DYM: variants seen among roughly 807,000 people sequenced by gnomAD.
DYM encodes dymeclin, also known as dyggve-Melchior-Clausen syndrome protein.
A neutral mutation model predicts 93.1 loss-of-function variants in DYM; 78 were observed. That is an observed-to-expected ratio of 0.84 (90% CI 0.70 to 1.01). The LOEUF (loss-of-function observed/expected upper bound fraction) is 1.01. Ranked by LOEUF, DYM falls within the 50% of genes least tolerant of loss-of-function variation. The pLI is 0.00. For synonymous variants in DYM, 321 were observed against 319.7 expected, an observed-to-expected ratio of 1.00 and a Z score of -0.04; for missense variants, 789 against 845.0, an observed-to-expected ratio of 0.93 and a Z score of 0.82.
chr18:49,323,643 G>A (rs114931080), intron 8 of DYM, among the ~76,000 whole-genome samples: 2,652 of 152,284 alleles, frequency 0.017, 79 homozygotes, highest in African/African-American at 0.061. Context: ...CAGGAATAGG[G>A]TTCTACACCA....
At chr18:49,423,638 A>G (rs1170614650) in intron 2 of DYM, among the ~76,000 whole-genome samples, 1 of 152,238 alleles carries the variant, frequency 6.6e-6, no homozygotes, top group African/African-American at 2.4e-5. Flanking sequence ...AACAAAATTG[A>G]TAGACCACTA....
intron 13 of DYM, among the ~76,000 whole-genome samples, chr18:49,222,519 G>C (rs2144118818): frequency 6.6e-6 from 1 of 152,188 alleles, no homozygotes; most frequent in East Asian, 1.9e-4. Flanking sequence ...AAAGACATAA[G>C]AGGCAACATA....
At chr18:49,447,438 T>C (rs1449371850) in intron 1 of DYM, 1 of 152,222 alleles carries the variant, frequency 6.6e-6, no homozygotes, top group Non-Finnish European at 1.5e-5. Flanking sequence ...AGCCACTTCA[T>C]AATGGCAGCT....
chr18:49,147,635 A>T (rs939353433), intron 15 of DYM, among the ~76,000 whole-genome samples: 13 of 152,158 alleles, frequency 8.5e-5, no homozygotes, highest in African/African-American at 2.6e-4. Flanking sequence ...AATCAAAACC[A>T]CAATGAGATA....
At chr18:49,056,390 G>A (rs1463690197) in intron 17 of DYM, among the ~76,000 whole-genome samples, 1 of 152,230 alleles carries the variant, frequency 6.6e-6, no homozygotes, top group Non-Finnish European at 1.5e-5. Flanking sequence ...AACAGGATTT[G>A]GCTCTCAGGC....
rs145000558 is a variant in DYM at position 49,435,346 on chromosome 18, G to T, written c.-53-4899C>A. On this transcript the variant is annotated intron_variant, in intron 1 of 17. Transcript: ENST00000675505. The stretch of plus-strand genomic sequence containing the variant: ...GTGCAAACTGTGAAGTGGTGATGTT[G>T]TTATTGTATTATTTAAAAGCAATCT... 1.8e-4 allele frequency among the ~76,000 whole-genome samples: 26 copies of T among 146,456 alleles called. No individual in the cohort carries two copies. In the East Asian group the frequency reaches 5.0e-3, roughly 28 times the overall value.
chr18:49,252,216 C>CAAAAAAAGAAA (rs2094304417), intron 13 of DYM, among the ~76,000 whole-genome samples: 1 of 27,230 alleles, frequency 3.7e-5, no homozygotes, highest in African/African-American at 2.2e-4. Flanking sequence ...AGACTTGCCT[C>CAAAAAAAGAAA]AAAAAAAAAA....
chr18:49,403,079 A>C (rs571264920), intron 2 of DYM, among the ~76,000 whole-genome samples: 1 of 152,272 alleles, frequency 6.6e-6, no homozygotes, highest in African/African-American at 2.4e-5. Context: ...AACTCCCCAA[A>C]ACCAACAAGA....
chr18:49,345,655 G>C (rs2064526205), intron 6 of DYM, among the ~76,000 whole-genome samples: 1 of 152,074 alleles, frequency 6.6e-6, no homozygotes, highest in South Asian at 2.1e-4. Context: ...AGTAAGAGAT[G>C]AGGTTTGAAA....
intron 13 of DYM, among the ~76,000 whole-genome samples, chr18:49,212,696 T>C (rs902734863): frequency 1.2e-4 from 19 of 152,138 alleles, no homozygotes; most frequent in Admixed American, 3.3e-4. Context: ...AGGGTCTCAC[T>C]ATATTGCCCA....
At chr18:49,068,244 A>G (rs537878226) in intron 17 of DYM, among the ~76,000 whole-genome samples, 2 of 152,334 alleles carry the variant, frequency 1.3e-5, no homozygotes, top group East Asian at 3.9e-4. Flanking sequence ...AGGAGCCTGG[A>G]TCTGCCCCCA....
chr18:49,435,311 A>G (rs1378792711), intron 1 of DYM, among the ~76,000 whole-genome samples: 1 of 151,592 alleles, frequency 6.6e-6, no homozygotes, highest in African/African-American at 2.4e-5. Flanking sequence ...CTTTGTTATT[A>G]TAAGGTATTG....
At chr18:49,088,550 TAAA>T (rs200912955) in intron 17 of DYM, among the ~76,000 whole-genome samples, 2 of 106,884 alleles carry the variant, frequency 1.9e-5, no homozygotes. Flanking sequence ...CCCTAGAACT[TAAA>T]AAAAAAAAAA....
intron 17 of DYM, among the ~76,000 whole-genome samples, chr18:49,080,249 G>A (rs1327073128): frequency 1.5e-5 from 2 of 131,028 alleles, no homozygotes; most frequent in African/African-American, 2.9e-5. Context: ...CGGCTGGCCG[G>A]GCAGAGGGGC....
At position 49,203,871 on chromosome 18, in the gene DYM, T is replaced by TAAAAAAAAAAAAA. The variant is rs71165370; in HGVS notation, c.1625+5667_1625+5679dup. Among the ~76,000 whole-genome samples, 4 of 63,548 alleles carry TAAAAAAAAAAAAA rather than the reference T, an allele frequency of 6.3e-5. 1 individual carries two copies. Among genetic ancestry groups the TAAAAAAAAAAAAA allele is most frequent in the African/African-American group, 1.2e-4 (2 of 17,208 alleles). 41.7% of individuals were successfully genotyped at this position (63,548 alleles called of 152,430 possible). A position where few individuals can be genotyped will look rare whatever the true frequency, so the allele number is the denominator to read the frequency against. ...CAATAAAAAAATAAATTTAAAAAAG[T>TAAAAAAAAAAAAA]AAAAAAAAAAAAAAAAAAAAAAAAA... is the stretch of plus-strand genomic sequence containing the variant. On this transcript the variant is annotated intron_variant, in intron 14 of 17. Coordinates refer to ENST00000675505, the MANE Select transcript of DYM (RefSeq NM_001353214.3).
chr18:49,446,954 G>A (rs1010474366), intron 1 of DYM, among the ~76,000 whole-genome samples: 1 of 152,038 alleles, frequency 6.6e-6, no homozygotes, highest in Admixed American at 6.6e-5. Context: ...AGCTACTTGG[G>A]AGGCTGAGAC....
At chr18:49,218,586 TC>T (rs2093196065) in intron 13 of DYM, among the ~76,000 whole-genome samples, 1 of 151,998 alleles carries the variant, frequency 6.6e-6, no homozygotes, top group Non-Finnish European at 1.5e-5. Context: ...AAACTAGAAC[TC>T]AGGATTAAGA....
intron 16 of DYM, among the ~76,000 whole-genome samples, chr18:49,105,385 G>A (rs1036443027): frequency 1.1e-4 from 17 of 152,012 alleles, no homozygotes; most frequent in Non-Finnish European, 2.1e-4. Flanking sequence ...TTTTTTGAAG[G>A]GTTTTTTGTG....
rs1156610239 is a variant in DYM, at chr18:49,037,778, T to G, written c.*6277A>C. 1.3e-5 allele frequency among the ~76,000 whole-genome samples: 2 copies of G among 152,216 alleles called. No homozygotes were observed. Reference sequence around the variant, plus strand: ...TCTTTTTGTAAATAATTAGTCTTGATTCTATTATGGTCAGAGAACATATTT... The same window carrying G: ...TCTTTTTGTAAATAATTAGTCTTGAGTCTATTATGGTCAGAGAACATATTT... On this transcript the variant is annotated 3_prime_UTR_variant, in exon 18 of 18. Coordinates refer to ENST00000675505, the MANE Select transcript of DYM (RefSeq NM_001353214.3).
Sources: allele counts gnomAD v4.1 joint callset (sites outside exome capture counted in the v4.1 genomes callset), GRCh38; gene constraint gnomAD v4.1.1; transcripts MANE v1.5; gene names NCBI Gene and HGNC (gene_info 2026-07-23, HGNC 2026-07-21).